Variants in VPS13B observed in about 807,000 individuals in gnomAD.
VPS13B encodes vacuolar protein sorting 13 homolog B, also known as intermembrane lipid transfer protein VPS13B.
VPS13B carries 285 observed loss-of-function variants against 426.4 expected under a neutral mutation model. The ratio of observed to expected loss-of-function variants is 0.67; its 90% CI spans 0.61 to 0.74. The LOEUF (loss-of-function observed/expected upper bound fraction) is 0.74. Ranked by LOEUF, VPS13B falls within the 30% of genes least tolerant of loss-of-function variation. The pLI is 0.00. For missense variants in VPS13B, 4,537 were observed against 4,782.6 expected (o/e 0.95, Z 1.51); for synonymous variants, 1,676 against 1,676.4 (o/e 1.00, Z 0.01).
At chr8:99,648,648 A>G (rs1268341306) in intron 34 of VPS13B, among the ~76,000 whole-genome samples, 1 of 152,208 alleles carries the variant, frequency 6.6e-6, no homozygotes, top group Non-Finnish European at 1.5e-5. Context: ...CTTTACAACT[A>G]CATAGGTTCC....
At chr8:99,509,257 A>G (rs928801423) in intron 28 of VPS13B, among the ~76,000 whole-genome samples, 6 of 152,238 alleles carry the variant, frequency 3.9e-5, no homozygotes, top group African/African-American at 1.4e-4. Flanking sequence ...TTTACTATAC[A>G]TCTTTTTGTT....
In VPS13B at chr8:99,849,159, CTAT is replaced by C. The variant is rs555432363; in HGVS notation, c.10061+271_10061+273del. Among the ~76,000 whole-genome samples, 17 of 152,316 alleles carry C rather than the reference CTAT, an allele frequency of 1.1e-4. No individual in the cohort carries two copies. The South Asian group carries it at 3.5e-3, about 32-fold the overall frequency. ...AACTATGCATCTTGGAATCATACCA[CTAT>C]TATTAGCATGAAATGCACATTAATA... On this transcript the variant is annotated intron_variant, in intron 55 of 61. Transcript: ENST00000357162.
At chr8:99,631,664 TTC>T (rs1828852035) in intron 33 of VPS13B, among the ~76,000 whole-genome samples, 1 of 152,016 alleles carries the variant, frequency 6.6e-6, no homozygotes, top group African/African-American at 2.4e-5. Flanking sequence ...ACTCCTGTCT[TTC>T]TCTCATAATA....
Position 99,075,411 on chromosome 8 carries a change from T to A in VPS13B, c.292-20901T>A, listed in dbSNP as rs377394084. ...GGAGGTACCACACACTTTTAAAAAC[T>A]CAGATCTTGCAAGAACTCACTATTG... On this transcript the variant is annotated intron_variant, in intron 3 of 61. Coordinates refer to ENST00000357162, the MANE Select transcript of VPS13B (RefSeq NM_152564.5). Among the ~76,000 whole-genome samples, 15 of 152,174 alleles carry A rather than the reference T, an allele frequency of 9.9e-5. No individual in the cohort carries two copies. The East Asian group carries it at 2.9e-3, about 29-fold the overall frequency.
chr8:99,870,627 T>C (rs191421757), intron 59 of VPS13B, among the ~76,000 whole-genome samples, 158 bp from the exon 60 acceptor site: 4 of 152,350 alleles, frequency 2.6e-5, no homozygotes, highest in Non-Finnish European at 5.9e-5. Flanking sequence ...AAGAGCATTG[T>C]AATGTTTAAT....
intron 2 of VPS13B, among the ~76,000 whole-genome samples, chr8:99,025,244 T>C (rs1043347406): frequency 1.3e-5 from 2 of 152,280 alleles, no homozygotes; most frequent in Non-Finnish European, 2.9e-5. Flanking sequence ...AGTTTGACTT[T>C]TTCTTTTCCA....
intron 19 of VPS13B, among the ~76,000 whole-genome samples, chr8:99,294,992 T>A (rs1310396836): frequency 6.6e-6 from 1 of 152,178 alleles, no homozygotes; most frequent in Non-Finnish European, 1.5e-5. Context: ...GTTGATGTGT[T>A]AAAAATATTT....
intron 23 of VPS13B, among the ~76,000 whole-genome samples, chr8:99,444,549 A>G (rs934364455): frequency 6.6e-6 from 1 of 152,200 alleles, no homozygotes; most frequent in African/African-American, 2.4e-5. Context: ...TAAAAATAGT[A>G]AAAGTGGTGT....
At chr8:99,188,518 A>G (rs1449204480) in intron 16 of VPS13B, among the ~76,000 whole-genome samples, 5 of 152,182 alleles carry the variant, frequency 3.3e-5, no homozygotes, top group Non-Finnish European at 7.4e-5. Context: ...GGCTAAGAAT[A>G]GTGCCGCAAT....
chr8:99,749,392 A>G (rs1340397087), intron 39 of VPS13B, among the ~76,000 whole-genome samples: 2 of 151,874 alleles, frequency 1.3e-5, no homozygotes, highest in Admixed American at 6.6e-5. Flanking sequence ...CCCTGCCCCA[A>G]TACTCTTCCT....
intron 23 of VPS13B, among the ~76,000 whole-genome samples, chr8:99,455,815 T>G (rs1216148339): frequency 6.6e-6 from 1 of 152,218 alleles, no homozygotes; most frequent in Non-Finnish European, 1.5e-5. Flanking sequence ...TCCTTTTTAT[T>G]GCTGAGGAGC....
chr8:99,030,386 G>A (rs2132190560), intron 2 of VPS13B, among the ~76,000 whole-genome samples: 1 of 151,452 alleles, frequency 6.6e-6, no homozygotes, highest in South Asian at 2.1e-4. Flanking sequence ...CGGATACTCT[G>A]GTTTCCTTCT....
intron 35 of VPS13B, among the ~76,000 whole-genome samples, chr8:99,662,754 A>G (rs548885248): frequency 1.3e-5 from 2 of 152,188 alleles, no homozygotes; most frequent in South Asian, 4.1e-4. Flanking sequence ...GGCCATTAAG[A>G]ATTTAAAATA....
chr8:99,225,052 T>G (rs1815938975), intron 17 of VPS13B, among the ~76,000 whole-genome samples: 1 of 152,212 alleles, frequency 6.6e-6, no homozygotes, highest in Admixed American at 6.5e-5. Context: ...AGAACTCTCT[T>G]CTGATTTGTG....
chr8:99,717,098 A>G, intron 36 of VPS13B, 73 bp from the exon 37 acceptor site: 3 of 1,414,958 alleles, frequency 2.1e-6, no homozygotes, highest in Non-Finnish European at 3.0e-6. Flanking sequence ...CTCTTCAAAA[A>G]TATAGATAGT....
intron 33 of VPS13B, among the ~76,000 whole-genome samples, chr8:99,579,817 C>A (rs1415285325): frequency 6.6e-6 from 1 of 151,266 alleles, no homozygotes; most frequent in African/African-American, 2.4e-5. Flanking sequence ...CCTGCCTCAG[C>A]GTCCCGGGTT....
At chr8:99,640,043 G>GAAGAGAAAAGAAGAGAA (rs1554883860) in intron 33 of VPS13B, among the ~76,000 whole-genome samples, 15 of 82,182 alleles carry the variant, frequency 1.8e-4, no homozygotes, top group South Asian at 4.3e-4. Flanking sequence ...AGAAGAAGAA[G>GAAGAGAAAAGAAGAGAA]AAGAAGAGAA....
At chr8:99,166,052 T>C (rs1451126886) in intron 15 of VPS13B, among the ~76,000 whole-genome samples, 1 of 152,256 alleles carries the variant, frequency 6.6e-6, no homozygotes, top group Non-Finnish European at 1.5e-5. Flanking sequence ...CGATCTTGGC[T>C]CACTGCAACG....
intron 31 of VPS13B, among the ~76,000 whole-genome samples, chr8:99,564,700 T>G (rs920013442): frequency 2.0e-5 from 3 of 152,220 alleles, no homozygotes; most frequent in African/African-American, 7.2e-5. Flanking sequence ...GTTCCTCTTT[T>G]GCAAAACTCT....
Sources: gnomAD v4.1 joint callset for allele counts (sites outside exome capture counted in the v4.1 genomes callset) on GRCh38, gnomAD v4.1.1 for gene constraint, MANE v1.5 for transcripts, NCBI Gene and HGNC (gene_info 2026-07-23, HGNC 2026-07-21) for gene names.